The following SLC39A11 variants were observed in gnomAD, a reference collection of about 807,000 sequenced individuals.
The protein encoded by SLC39A11 is solute carrier family 39 member 11, also known as zinc transporter ZIP11.
SLC39A11 carries 33 observed loss-of-function variants against 36.1 expected under a neutral mutation model. The ratio of observed to expected loss-of-function variants is 0.91; its 90% CI spans 0.69 to 1.22. SLC39A11 has a LOEUF of 1.22. Ranked by LOEUF, SLC39A11 falls within the 50% of genes most tolerant of loss-of-function variation. The pLI, the probability that SLC39A11 is intolerant of heterozygous loss-of-function variation, is 0.00. For synonymous variants in SLC39A11, 166 were observed against 170.3 expected (o/e 0.97, Z 0.20); for missense variants, 432 against 430.3 (o/e 1.00, Z -0.03).
At chr17:72,874,533 T>A (rs973522561) in intron 5 of SLC39A11, among the ~76,000 whole-genome samples, 1 of 152,184 alleles carries the variant, frequency 6.6e-6, no homozygotes, top group Non-Finnish European at 1.5e-5. Context: ...TGCTGGTAAT[T>A]CAAGGTCCTA....
intron 6 of SLC39A11, chr17:72,823,940 T>C (rs917762088): frequency 6.6e-6 from 1 of 151,384 alleles, no homozygotes; most frequent in African/African-American, 2.4e-5. Context: ...GATGGGATTC[T>C]AGGTGAGAAA....
chr17:72,810,075 C>T (rs891232129), intron 6 of SLC39A11, among the ~76,000 whole-genome samples: 1 of 53,530 alleles, frequency 1.9e-5, no homozygotes, highest in Non-Finnish European at 3.6e-5. Context: ...AAAACAAAAA[C>T]AAAAACAACA....
chr17:72,942,038 G>A (rs1156474912), intron 5 of SLC39A11, among the ~76,000 whole-genome samples: 6 of 148,982 alleles, frequency 4.0e-5, no homozygotes, highest in African/African-American at 7.4e-5. Flanking sequence ...GTGCCACCAC[G>A]CCTGGCTAAT....
At chr17:72,936,411 T>TAAAAAAAAAAAA (rs746428868) in intron 5 of SLC39A11, among the ~76,000 whole-genome samples, 2 of 73,446 alleles carry the variant, frequency 2.7e-5, no homozygotes, top group African/African-American at 5.0e-5. Context: ...TGAAAAAAAG[T>TAAAAAAAAAAAA]AAAAAAAAAA....
At chr17:72,914,294 C>T (rs1054930886) in intron 5 of SLC39A11, among the ~76,000 whole-genome samples, 2 of 146,938 alleles carry the variant, frequency 1.4e-5, no homozygotes, top group East Asian at 2.0e-4. Flanking sequence ...CCAGCCTGGA[C>T]GACAGAGCGA....
At chr17:73,059,636 C>T (rs1249504769) in intron 3 of SLC39A11, among the ~76,000 whole-genome samples, 1 of 126,450 alleles carries the variant, frequency 7.9e-6, no homozygotes, top group African/African-American at 3.1e-5. Flanking sequence ...GCCTGGGCGA[C>T]AAGACTGAAA....
chr17:73,047,030 T>TA (rs201789034), intron 3 of SLC39A11, among the ~76,000 whole-genome samples: 1,509 of 149,080 alleles, frequency 0.01, 17 homozygotes, highest in South Asian at 0.026. Flanking sequence ...TTTATTTATT[T>TA]TTTTTTTTTT....
chr17:72,738,574 G>A (rs775660258), intron 6 of SLC39A11, among the ~76,000 whole-genome samples: 1 of 152,140 alleles, frequency 6.6e-6, no homozygotes, highest in African/African-American at 2.4e-5. Flanking sequence ...GAAGGAAATG[G>A]ACCTGATCCA....
At chr17:72,675,033 A>C (rs2071194960) in intron 7 of SLC39A11, among the ~76,000 whole-genome samples, 1 of 152,054 alleles carries the variant, frequency 6.6e-6, no homozygotes, top group Admixed American at 6.6e-5. Context: ...AGAGAGAGAA[A>C]GTTTATCCAT....
chr17:73,087,702 G>A (rs1003013676), intron 2 of SLC39A11, among the ~76,000 whole-genome samples: 6 of 152,044 alleles, frequency 3.9e-5, no homozygotes, highest in African/African-American at 4.8e-5. Context: ...TGGGGTTGTG[G>A]GAGGAGGGAG....
chr17:73,038,511 C>T (rs896481749), intron 3 of SLC39A11, among the ~76,000 whole-genome samples: 1 of 144,410 alleles, frequency 6.9e-6, no homozygotes. Flanking sequence ...CCAGCCTGAC[C>T]AACATGGTGA....
chr17:72,978,537 C>T (rs1471964721), intron 4 of SLC39A11, among the ~76,000 whole-genome samples: 3 of 152,064 alleles, frequency 2.0e-5, no homozygotes, highest in Non-Finnish European at 2.9e-5. Context: ...GGCAGCCACG[C>T]ACAGAGCTTC....
chr17:72,785,628 G>A (rs749736966), intron 6 of SLC39A11, among the ~76,000 whole-genome samples: 41 of 152,202 alleles, frequency 2.7e-4, no homozygotes, highest in Non-Finnish European at 5.1e-4. Context: ...AATTATCAGA[G>A]AGGACGTAGG....
rs143046024 is a variant in SLC39A11, at chr17:72,802,318, G to A, written c.601+47316C>T. ...GAAAATCATATGGGTGGCCAGACAC[G>A]GTAGTACATGCCTGTAATCCTAACA... On this transcript the variant is annotated intron_variant, in intron 6 of 9. Coordinates refer to ENST00000255559, the MANE Select transcript of SLC39A11 (RefSeq NM_139177.4). 8.5e-4 allele frequency among the ~76,000 whole-genome samples: 129 copies of A among 152,206 alleles called. No homozygotes were observed. In the South Asian group the frequency reaches 0.016, roughly 19 times the overall value.
chr17:72,874,454 C>T (rs962301273), intron 5 of SLC39A11, among the ~76,000 whole-genome samples: 8 of 152,134 alleles, frequency 5.3e-5, no homozygotes, highest in African/African-American at 1.9e-4. Flanking sequence ...GAAGCTGAGG[C>T]GTCCATCTGC....
intron 6 of SLC39A11, among the ~76,000 whole-genome samples, chr17:72,806,819 G>A (rs952727362): frequency 6.6e-6 from 1 of 152,166 alleles, no homozygotes; most frequent in Non-Finnish European, 1.5e-5. Context: ...CTGACCTCAG[G>A]TGATCTGCCT....
chr17:72,955,390 T>C (rs372868552), intron 4 of SLC39A11, among the ~76,000 whole-genome samples: 29 of 134,350 alleles, frequency 2.2e-4, no homozygotes, highest in African/African-American at 7.6e-4. Flanking sequence ...GCAACCTCTG[T>C]CTCACGGGTT....
intron 4 of SLC39A11, among the ~76,000 whole-genome samples, chr17:73,008,040 G>C (rs562341539): frequency 7.9e-5 from 12 of 151,110 alleles, no homozygotes; most frequent in African/African-American, 1.9e-4. Flanking sequence ...GAGGTAGAAG[G>C]TGCAGCAAGC....
At chr17:72,803,872 T>C (rs894833453) in intron 6 of SLC39A11, among the ~76,000 whole-genome samples, 2 of 152,136 alleles carry the variant, frequency 1.3e-5, no homozygotes, top group African/African-American at 2.4e-5. Context: ...GCTTTCCTAT[T>C]AGCCCTCATC....
Sources: gnomAD v4.1 joint callset for allele counts (sites outside exome capture counted in the v4.1 genomes callset) on GRCh38, gnomAD v4.1.1 for gene constraint, MANE v1.5 for transcripts, NCBI Gene and HGNC (gene_info 2026-07-23, HGNC 2026-07-21) for gene names.